The following CASS4 variants were observed in gnomAD, a reference collection of about 807,000 sequenced individuals.
CASS4 encodes the protein cas scaffolding protein family member 4.
A neutral mutation model predicts 54.2 loss-of-function variants in CASS4; 22 were observed. The observed-to-expected ratio is 0.41, with a 90% confidence interval of 0.29 to 0.58. CASS4 has a LOEUF of 0.58. CASS4 is among the 20% of genes least tolerant of loss of function. CASS4 has a pLI of 0.36. For missense variants in CASS4, 854 were observed against 986.7 expected (o/e 0.87, Z 1.80); for synonymous variants, 409 against 391.5 (o/e 1.04, Z -0.53).
At chr20:56,438,515 T>C (rs1362979539) in intron 2 of CASS4, among the ~76,000 whole-genome samples, 1 of 151,972 alleles carries the variant, frequency 6.6e-6, no homozygotes, top group African/African-American at 2.4e-5. Context: ...GAATGAGGCA[T>C]TTATAAGAGG....
chr20:56,426,468 G>A (rs1979643464), intron 1 of CASS4, among the ~76,000 whole-genome samples: 1 of 152,154 alleles, frequency 6.6e-6, no homozygotes, highest in African/African-American at 2.4e-5. Context: ...ACTCCTTTCA[G>A]GGCGAACAGA....
chr20:56,427,097 G>A (rs572428465), intron 1 of CASS4, among the ~76,000 whole-genome samples: 2 of 151,434 alleles, frequency 1.3e-5, no homozygotes, highest in African/African-American at 4.9e-5. Context: ...GGAGTTTAAG[G>A]CTGTAGTGCA....
intron 1 of CASS4, among the ~76,000 whole-genome samples, chr20:56,432,123 G>A (rs748559086): frequency 3.3e-5 from 5 of 151,626 alleles, no homozygotes; most frequent in Non-Finnish European, 7.3e-5. Context: ...AGATCATTGA[G>A]GGGCTAGGTA....
At chr20:56,458,277 A>G in intron 5 of CASS4, 63 bp from the exon 6 acceptor site, 1 of 1,481,454 alleles carries the variant, frequency 6.8e-7, no homozygotes, top group Non-Finnish European at 9.2e-7. Flanking sequence ...AAAACAGGAA[A>G]GGGCAGACAG....
In CASS4 at chr20:56,437,950, T is replaced by G. The variant is rs1980274426; in HGVS notation, c.459+364T>G. On this transcript the variant is annotated intron_variant, in intron 2 of 5. Transcript: ENST00000679887. This position sits in a 1 kb window ranked among gnomAD's most constrained non-coding sequence, Gnocchi z 4.7. ...CCAGTGACAAATGGGAGGGTGGGGT[T>G]TCCATGGGTTCAGAGGCAAGAAGTT... 6.6e-6 allele frequency among the ~76,000 whole-genome samples: 1 copy of G among 152,096 alleles called. No homozygotes were observed. Among genetic ancestry groups the G allele is most frequent in the Admixed American group, 6.5e-5 (1 of 15,274 alleles).
chr20:56,413,131 G>C (rs1368349987), intron 1 of CASS4, among the ~76,000 whole-genome samples: 2 of 149,572 alleles, frequency 1.3e-5, no homozygotes, highest in African/African-American at 5.0e-5. Flanking sequence ...CAGCCCAGAA[G>C]TTTGAGTCCA....
intron 1 of CASS4, among the ~76,000 whole-genome samples, chr20:56,432,735 A>C (rs976401795): frequency 6.6e-6 from 1 of 152,078 alleles, no homozygotes; most frequent in African/African-American, 2.4e-5. Flanking sequence ...ATACTTCATC[A>C]CTGCTGGATT....
chr20:56,437,496 C>A lies in CASS4; in HGVS notation c.369C>A (p.Pro123=), dbSNP rs746992689. ...YEQMRSWAEG[P]QPPTAQVYEF... Reference sequence around the variant, plus strand: ...AGATGAGGAGTTGGGCGGAGGGGCCCCAGCCCCCTACTGCCCAAGTCTATG... The same window carrying A: ...AGATGAGGAGTTGGGCGGAGGGGCCACAGCCCCCTACTGCCCAAGTCTATG... The change falls in exon 2 of 6, where the codon CCC becomes CCA. Residue 123 remains proline, a synonymous_variant. Transcript: ENST00000679887. This position sits in a 1 kb window ranked among gnomAD's most constrained non-coding sequence, Gnocchi z 4.7. 5.0e-6 allele frequency: 8 copies of A among 1,608,342 alleles called. No individual in the cohort carries two copies. Among genetic ancestry groups the A allele is most frequent in the Non-Finnish European group, 6.8e-6 (8 of 1,177,034 alleles).
In CASS4 at chr20:56,453,085, TC is replaced by T; in HGVS notation, c.1910del (p.Ser637PhefsTer5). The T allele has an allele frequency of 1.2e-6, 2 of 1,613,996 alleles. No homozygotes were observed. The highest frequency in any genetic ancestry group is 1.7e-6 in the Non-Finnish European group (2 of 1,180,004). On this transcript the variant is annotated frameshift_variant, in exon 5 of 6. Coordinates refer to ENST00000679887, the MANE Select transcript of CASS4 (RefSeq NM_020356.4). LOFTEE classifies it low-confidence loss of function (END_TRUNC). ...PSTKQREDEHSSELLKKNRAN... is the reference protein window; with the variant it reads ...PSTKQREDEHXSELLKKNRAN... Reference sequence around the variant, plus strand: ...CACTAAGCAAAGGGAAGATGAACACTCTTCTGAACTATTAAAGAAAAATAGG... The same window carrying T: ...CACTAAGCAAAGGGAAGATGAACACTTTCTGAACTATTAAAGAAAAATAGG...
At chr20:56,413,542 G>A (rs946177251) in intron 1 of CASS4, among the ~76,000 whole-genome samples, 15 of 151,804 alleles carry the variant, frequency 9.9e-5, no homozygotes, top group Non-Finnish European at 1.5e-4. Flanking sequence ...GCGTGGTGGC[G>A]CATGCCCGTG....
chr20:56,450,459 C>A, intron 3 of CASS4, 140 bp from the exon 4 acceptor site: 1 of 735,786 alleles, frequency 1.4e-6, no homozygotes, highest in Non-Finnish European at 2.3e-6. Context: ...ACCATTACAG[C>A]ATCATGACCA....
chr20:56,416,112 T>C (rs1005974046), intron 1 of CASS4, among the ~76,000 whole-genome samples: 8 of 152,196 alleles, frequency 5.3e-5, no homozygotes, highest in Non-Finnish European at 1.2e-4. Context: ...TGCAGTGGCA[T>C]GATCTTGGCT....
chr20:56,413,839 G>A (rs1979007264), intron 1 of CASS4, among the ~76,000 whole-genome samples: 1 of 152,098 alleles, frequency 6.6e-6, no homozygotes, highest in Non-Finnish European at 1.5e-5. Context: ...AATATGGGAA[G>A]CGTGGGGGTT....
chr20:56,438,148 A>G (rs559748537), intron 2 of CASS4, among the ~76,000 whole-genome samples: 1 of 151,966 alleles, frequency 6.6e-6, no homozygotes, highest in South Asian at 2.1e-4. Context: ...ATTAGCCAGC[A>G]TAGTAGCACA....
intron 1 of CASS4, among the ~76,000 whole-genome samples, chr20:56,427,814 A>G (rs1979715137): frequency 6.6e-6 from 1 of 152,230 alleles, no homozygotes; most frequent in Non-Finnish European, 1.5e-5. Flanking sequence ...GAAGCATTCC[A>G]TCACCTCGCC....
intron 1 of CASS4, among the ~76,000 whole-genome samples, chr20:56,434,228 A>G (rs942880481): frequency 2.6e-5 from 4 of 152,190 alleles, no homozygotes; most frequent in Admixed American, 1.3e-4. Flanking sequence ...TGAAGAATTT[A>G]TCCATGGAAA....
In CASS4 at chr20:56,445,981, C is replaced by T. The variant is rs148553170; in HGVS notation, c.541C>T (p.Arg181Trp). ...SQVYDVPTQH[R>W]GPVVLKEPEK... ...GGTGTATGACGTGCCTACCCAGCAC[C>T]GGGGCCCCGTGGTCCTGAAGGTGAG... The change falls in exon 3 of 6, where the codon CGG becomes TGG. Residue 181 changes from arginine (R) to tryptophan (W), a missense_variant. By Grantham distance (101) the Arg-to-Trp change is moderately radical. Coordinates refer to ENST00000679887, the MANE Select transcript of CASS4 (RefSeq NM_020356.4). 19 of 1,613,604 alleles carry T rather than the reference C, an allele frequency of 1.2e-5. No homozygotes were observed. The East Asian group carries it at 1.8e-4, about 15-fold the overall frequency.
At chr20:56,429,857 T>A (rs1979822934) in intron 1 of CASS4, among the ~76,000 whole-genome samples, 1 of 152,186 alleles carries the variant, frequency 6.6e-6, no homozygotes, top group Non-Finnish European at 1.5e-5. Flanking sequence ...TCCTGTATTT[T>A]TTCATAACTT....
intron 1 of CASS4, among the ~76,000 whole-genome samples, chr20:56,436,929 T>A (rs887412952): frequency 2.0e-5 from 3 of 152,224 alleles, no homozygotes; most frequent in African/African-American, 7.2e-5. Context: ...ATTAGGACCA[T>A]CCGACCTCGT....
Sources: gnomAD v4.1 joint callset for allele counts (sites outside exome capture counted in the v4.1 genomes callset) on GRCh38, gnomAD v4.1.1 for gene constraint, Gnocchi (gnomAD v3.1) non-coding constraint, MANE v1.5 for transcripts, NCBI Gene and HGNC (gene_info 2026-07-23, HGNC 2026-07-21) for gene names.